Variants in SEPTIN11 observed in about 807,000 individuals in gnomAD.
SEPTIN11 encodes the protein septin 11.
A neutral mutation model predicts 51.4 loss-of-function variants in SEPTIN11; 25 were observed. The ratio of observed to expected loss-of-function variants is 0.49; its 90% CI spans 0.35 to 0.68. The LOEUF (loss-of-function observed/expected upper bound fraction) is 0.68. SEPTIN11 is among the 30% of genes least tolerant of loss of function. SEPTIN11 has a pLI of 0.00. For missense variants in SEPTIN11, 381 were observed against 520.8 expected, an observed-to-expected ratio of 0.73 and a Z score of 2.61; for synonymous variants, 174 against 184.1, an observed-to-expected ratio of 0.95 and a Z score of 0.44.
At chr4:76,976,304 A>G (rs528411486) in intron 1 of SEPTIN11, among the ~76,000 whole-genome samples, 6 of 152,278 alleles carry the variant, frequency 3.9e-5, no homozygotes, top group Admixed American at 1.3e-4. Context: ...ACCCATCAGA[A>G]TTATTTTTCA....
intron 5 of SEPTIN11, among the ~76,000 whole-genome samples, chr4:77,015,405 T>G (rs1725150186): frequency 6.6e-6 from 1 of 152,176 alleles, no homozygotes; most frequent in East Asian, 1.9e-4. Context: ...ATCCTGCCCT[T>G]CCCTCCTTTC....
At chr4:77,007,229 C>T (rs1200731828) in intron 3 of SEPTIN11, among the ~76,000 whole-genome samples, 3 of 152,100 alleles carry the variant, frequency 2.0e-5, no homozygotes, top group Non-Finnish European at 2.9e-5. Context: ...GGAAGAGAGC[C>T]GGGGGTTTCA....
At chr4:77,039,284 A>C (rs576582668), downstream of SEPTIN11, 1 of 1,107,432 alleles carries the variant, frequency 9.0e-7, no homozygotes, top group Non-Finnish European at 1.1e-6. Flanking sequence ...GAAGTGACTT[A>C]CCACTACCAA....
intron 3 of SEPTIN11, among the ~76,000 whole-genome samples, chr4:77,006,165 C>T (rs913160351): frequency 2.0e-5 from 3 of 152,076 alleles, no homozygotes; most frequent in Non-Finnish European, 4.4e-5. Context: ...AAACCCCAGC[C>T]ATCAATCACT....
chr4:77,012,366 A>T (rs1724935635), intron 4 of SEPTIN11, among the ~76,000 whole-genome samples: 1 of 152,226 alleles, frequency 6.6e-6, no homozygotes, highest in African/African-American at 2.4e-5. Context: ...AGTAAAGCAA[A>T]GTCTTAATTT....
chr4:76,961,988 C>G (rs1314531597), intron 1 of SEPTIN11, among the ~76,000 whole-genome samples: 1 of 152,090 alleles, frequency 6.6e-6, no homozygotes, highest in Non-Finnish European at 1.5e-5. Context: ...AATTGAATTG[C>G]TTCTAAATGA....
intron 1 of SEPTIN11, among the ~76,000 whole-genome samples, chr4:76,959,955 G>A (rs913156274): frequency 3.9e-5 from 6 of 152,094 alleles, no homozygotes; most frequent in Admixed American, 3.9e-4. Context: ...GGTAAATGGG[G>A]TGTCCATCAC....
chr4:76,960,622 T>G (rs563165852), intron 1 of SEPTIN11, among the ~76,000 whole-genome samples: 1 of 152,332 alleles, frequency 6.6e-6, no homozygotes, highest in African/African-American at 2.4e-5. Context: ...AATGGAGATT[T>G]ATATAGGGAT....
intron 6 of SEPTIN11, 118 bp from the exon 7 acceptor site, chr4:77,020,384 G>A (rs1725615272): frequency 2.4e-6 from 3 of 1,230,404 alleles, no homozygotes; most frequent in Non-Finnish European, 2.3e-6. Context: ...TCTTCAGATG[G>A]TCTTGAGACC....
At chr4:76,975,252 C>T (rs1400599069) in intron 1 of SEPTIN11, among the ~76,000 whole-genome samples, 2 of 151,884 alleles carry the variant, frequency 1.3e-5, no homozygotes, top group Non-Finnish European at 2.9e-5. Flanking sequence ...TAATGCCTTG[C>T]GGACAACATA....
rs1025465908 is a variant in SEPTIN11, at chr4:77,037,786, C to A, written c.*3274C>A. ...TCAGATTGTGTTTTCCCAACTTAGG[C>A]TCTTTATTAATTGGTTAAGGTTTTC... On this transcript the variant is annotated 3_prime_UTR_variant, in exon 10 of 10. Transcript: ENST00000264893. The A allele has an allele frequency of 1.0e-5, 10 of 985,850 alleles. No homozygotes were observed. Among genetic ancestry groups the A allele is most frequent in the Non-Finnish European group, 1.2e-5 (10 of 829,930 alleles). The allele number at this position is 985,850 out of a possible 1,614,324, so 61.1% of individuals were successfully genotyped here.
chr4:76,990,271 A>T (rs774544419), intron 1 of SEPTIN11, among the ~76,000 whole-genome samples: 58 of 152,160 alleles, frequency 3.8e-4, no homozygotes, highest in Non-Finnish European at 6.9e-4. Context: ...TTTACAGAGC[A>T]CTGATTGGTG....
intron 7 of SEPTIN11, chr4:77,021,358 C>T (rs73826489): frequency 0.015 from 2,220 of 152,628 alleles, 54 homozygotes; most frequent in African/African-American, 0.05. Flanking sequence ...TTGCCCACAC[C>T]GTAGTGAGTC....
intron 2 of SEPTIN11, among the ~76,000 whole-genome samples, chr4:76,996,743 G>A (rs889660212): frequency 1.3e-5 from 2 of 151,364 alleles, no homozygotes; most frequent in African/African-American, 4.9e-5. Context: ...TGTATGTTTT[G>A]TCATGTTACT....
chr4:77,038,457 G>A lies in SEPTIN11; in HGVS notation c.*3945G>A, dbSNP rs1014773769. 4 of 985,690 alleles carry A rather than the reference G, an allele frequency of 4.1e-6. No homozygotes were observed. In the African/African-American group the frequency reaches 7.0e-5, roughly 17 times the overall value. 61.1% of individuals were successfully genotyped at this position (985,690 alleles called of 1,614,324 possible). ...TAAACTAAAGTAATTGTATTGATGT[G>A]AAGCATATCATTTTTTCAAATATGA... On this transcript the variant is annotated 3_prime_UTR_variant, in exon 10 of 10. Coordinates refer to ENST00000264893, the MANE Select transcript of SEPTIN11 (RefSeq NM_018243.4).
At chr4:76,977,118 CAA>C (rs1472949276) in intron 1 of SEPTIN11, among the ~76,000 whole-genome samples, 6 of 152,124 alleles carry the variant, frequency 3.9e-5, no homozygotes, top group Admixed American at 1.3e-4. Flanking sequence ...GTAAAAAGCT[CAA>C]GAGAGAGAGA....
intron 1 of SEPTIN11, 54 bp downstream of exon 1, chr4:76,949,984 TG>T: frequency 1.4e-6 from 2 of 1,393,376 alleles, no homozygotes; most frequent in Non-Finnish European, 9.3e-7. Flanking sequence ...GTCTCTGCTC[TG>T]GGGCGGGTGC....
At chr4:77,019,430 A>C (rs777403467) in intron 6 of SEPTIN11, among the ~76,000 whole-genome samples, 169 bp downstream of exon 6, 1 of 152,218 alleles carries the variant, frequency 6.6e-6, no homozygotes, top group Non-Finnish European at 1.5e-5. Flanking sequence ...AGAAAGAAAA[A>C]GTAATCAGCT....
chr4:76,987,508 T>G (rs1315046823), intron 1 of SEPTIN11, among the ~76,000 whole-genome samples: 1 of 152,222 alleles, frequency 6.6e-6, no homozygotes, highest in East Asian at 1.9e-4. Flanking sequence ...TTCATAGCTG[T>G]GGTTTGGGTC....
Sources: allele counts gnomAD v4.1 joint callset (sites outside exome capture counted in the v4.1 genomes callset), GRCh38; gene constraint gnomAD v4.1.1; transcripts MANE v1.5; gene names NCBI Gene and HGNC (gene_info 2026-07-23, HGNC 2026-07-21).